The following KIAA0586 variants were observed in gnomAD, a reference collection of about 807,000 sequenced individuals.
KIAA0586 encodes the protein KIAA0586.
Under a neutral mutation model 169.8 loss-of-function variants are expected in KIAA0586, and 144 were observed. The observed-to-expected ratio is 0.85, with a 90% confidence interval of 0.74 to 0.97. KIAA0586 has a LOEUF of 0.97. Ranked by LOEUF, KIAA0586 falls within the 50% of genes least tolerant of loss-of-function variation. The pLI is 0.00. For missense variants in KIAA0586, 1,854 were observed against 1,823.0 expected (o/e 1.02, Z -0.31); for synonymous variants, 625 against 612.4 (o/e 1.02, Z -0.30).
intron 1 of KIAA0586, among the ~76,000 whole-genome samples, chr14:58,428,821 C>T (rs2037105190): frequency 2.0e-5 from 3 of 151,980 alleles, no homozygotes; most frequent in Admixed American, 2.0e-4. Context: ...TCACTACTTT[C>T]TTTTCATAGT....
At chr14:58,501,955 C>T (rs1482608732) in intron 27 of KIAA0586, among the ~76,000 whole-genome samples, 3 of 152,108 alleles carry the variant, frequency 2.0e-5, no homozygotes, top group Non-Finnish European at 4.4e-5. Context: ...ATGGCTTGGA[C>T]TGAGGTCATC....
rs769894889 is a variant in KIAA0586 at position 58,547,781 on chromosome 14, G to T, written c.4496G>T (p.Gly1499Val). The change falls in exon 31 of 31, where the codon GGT becomes GTT. Residue 1499 changes from glycine to valine, a missense_variant and splice_region_variant. Physicochemically the swap from Gly to Val is moderately radical, Grantham distance 109. Coordinates refer to ENST00000652326, the MANE Select transcript of KIAA0586 (RefSeq NM_001329943.3). ...CTGAATGAGCTTCTCCTTTGTGCAG[G>T]TGGGAAAGCAGTGCCACTCTCCGCT... is the stretch of plus-strand genomic sequence containing the variant. ...LNPYLTCVFS[G>V]GKAVPLSASQ... 1.9e-6 allele frequency: 3 copies of T among 1,613,206 alleles called. No individual in the cohort carries two copies. In the African/African-American group the frequency reaches 4.0e-5, roughly 22 times the overall value.
chr14:58,561,326 C>T, the KIAA0586 span, among the ~76,000 whole-genome samples: 229 of 152,146 alleles, frequency 1.5e-3, 1 homozygote, highest in African/African-American at 5.0e-3. Flanking sequence ...TCCAAAGCAG[C>T]GATGAAGATT....
At chr14:58,527,593 A>G (rs1355300660) in intron 29 of KIAA0586, among the ~76,000 whole-genome samples, 2 of 152,330 alleles carry the variant, frequency 1.3e-5, no homozygotes, top group East Asian at 1.9e-4. Flanking sequence ...AGAATTTTAT[A>G]TACAGCCAAA....
At chr14:58,447,918 C>T (rs980988089) in intron 6 of KIAA0586, among the ~76,000 whole-genome samples, 1 of 152,130 alleles carries the variant, frequency 6.6e-6, no homozygotes, top group Admixed American at 6.6e-5. Context: ...ATTTTCAAAC[C>T]TTGACCTCAA....
At chr14:58,466,774 C>A (rs2040807014) in intron 15 of KIAA0586, among the ~76,000 whole-genome samples, 2 of 152,126 alleles carry the variant, frequency 1.3e-5, no homozygotes, top group Admixed American at 1.3e-4. Context: ...CATAATAATT[C>A]AATAAGTTTG....
chr14:58,428,026 C>T lies in KIAA0586; in HGVS notation c.-239C>T. ...CTCCTGTGGCCATTCTCTTGTCATC[C>T]CCACTTTCACATTTTGGCGTGGTGT... On this transcript the variant is annotated 5_prime_UTR_variant, in exon 1 of 31. Transcript: ENST00000652326. The T allele has an allele frequency of 1.4e-6, 2 of 1,427,910 alleles. No individual in the cohort carries two copies. The highest frequency in any genetic ancestry group is 1.8e-6 in the Non-Finnish European group (2 of 1,098,390). The allele number at this position is 1,427,910 out of a possible 1,614,324, so 88.5% of individuals were successfully genotyped here. A position where few individuals can be genotyped will look rare whatever the true frequency, so the allele number is the denominator to read the frequency against.
At chr14:58,468,113 T>G (rs1014892589) in intron 16 of KIAA0586, among the ~76,000 whole-genome samples, 191 bp downstream of exon 16, 36 of 152,246 alleles carry the variant, frequency 2.4e-4, no homozygotes, top group African/African-American at 8.7e-4. Flanking sequence ...TGGCGCAATC[T>G]CGGCTCACTG....
chr14:58,483,475 AC>A (rs1425613570), intron 21 of KIAA0586, among the ~76,000 whole-genome samples: 1 of 151,730 alleles, frequency 6.6e-6, no homozygotes, highest in Non-Finnish European at 1.5e-5. Flanking sequence ...CCATTATCAC[AC>A]CCCCCCAGAT....
intron 7 of KIAA0586, among the ~76,000 whole-genome samples, chr14:58,450,192 CTTTT>C (rs557425873): frequency 6.6e-6 from 1 of 152,080 alleles, no homozygotes; most frequent in Non-Finnish European, 1.5e-5. Flanking sequence ...CATTTTCTTT[CTTTT>C]ATGTTATTTC....
Position 58,490,023 on chromosome 14 carries a change from G to T in KIAA0586, c.3782-141G>T. The T allele has an allele frequency of 6.0e-6, 3 of 497,642 alleles. No individual in the cohort carries two copies. The South Asian group carries it at 1.0e-4, about 17-fold the overall frequency. The allele number at this position is 497,642 out of a possible 1,614,324, so 30.8% of individuals were successfully genotyped here. A position where few individuals can be genotyped will look rare whatever the true frequency, so the allele number is the denominator to read the frequency against. Reference sequence around the variant, plus strand: ...AAAAACTGGTAAGATTGAGTAGTTTGTGAATTACTTGTTTATAAACTTTGC... The same window carrying T: ...AAAAACTGGTAAGATTGAGTAGTTTTTGAATTACTTGTTTATAAACTTTGC... On this transcript the variant is annotated intron_variant, in intron 24 of 30. Coordinates refer to ENST00000652326, the MANE Select transcript of KIAA0586 (RefSeq NM_001329943.3).
intron 12 of KIAA0586, 122 bp from the exon 13 acceptor site, chr14:58,459,721 A>G (rs1302041351): frequency 1.0e-5 from 5 of 495,772 alleles, no homozygotes; most frequent in Non-Finnish European, 6.9e-6. Context: ...TTTATTTTTA[A>G]TGCATTTAAA....
At chr14:58,558,749 C>A in the KIAA0586 span, among the ~76,000 whole-genome samples, 1 of 152,144 alleles carries the variant, frequency 6.6e-6, no homozygotes, top group Non-Finnish European at 1.5e-5. Context: ...CTATTGATTG[C>A]TCTGAGGTTT....
intron 21 of KIAA0586, among the ~76,000 whole-genome samples, 194 bp downstream of exon 21, chr14:58,482,906 G>T (rs1419308388): frequency 6.6e-6 from 1 of 152,138 alleles, no homozygotes; most frequent in African/African-American, 2.4e-5. Flanking sequence ...GAGTAGCTGG[G>T]ATTACAGGCA....
Position 58,549,983 on chromosome 14 carries a change from T to G in KIAA0586, c.*2051T>G, listed in dbSNP as rs1205429778. The stretch of plus-strand genomic sequence containing the variant: ...CGTGAGCTTTTCTTTTAAAAAAAAT[T>G]AGTGTCCATTCGACGGTTTCTTTTT... On this transcript the variant is annotated 3_prime_UTR_variant, in exon 31 of 31. Transcript: ENST00000652326. 6.6e-6 allele frequency: 1 copy of G among 152,124 alleles called. No individual in the cohort carries two copies. Among genetic ancestry groups the G allele is most frequent in the Admixed American group, 6.5e-5 (1 of 15,276 alleles). 9.4% of individuals were successfully genotyped at this position (152,124 alleles called of 1,614,324 possible). A position where few individuals can be genotyped will look rare whatever the true frequency, so the allele number is the denominator to read the frequency against.
At chr14:58,488,170 C>A in intron 23 of KIAA0586, 61 bp downstream of exon 23, 2 of 1,233,512 alleles carry the variant, frequency 1.6e-6, no homozygotes, top group Non-Finnish European at 2.3e-6. Flanking sequence ...CTTATGTGAT[C>A]CATTGAAAAC....
chr14:58,434,678 G>A (rs1045146159), intron 4 of KIAA0586, among the ~76,000 whole-genome samples: 1 of 152,212 alleles, frequency 6.6e-6, no homozygotes, highest in African/African-American at 2.4e-5. Context: ...TGATTGGAAT[G>A]CAGCAATGTT....
At chr14:58,484,892 A>ATATATATATATTTATATATATATTTT (rs1555391470) in intron 21 of KIAA0586, among the ~76,000 whole-genome samples, 12 of 7,118 alleles carry the variant, frequency 1.7e-3, no homozygotes, top group Admixed American at 3.8e-3. Context: ...ATATATATTT[A>ATATATATATATTTATATATATATTTT]TATATATATA....
chr14:58,544,020 AC>A (rs1201484961), intron 30 of KIAA0586: 3 of 419,728 alleles, frequency 7.1e-6, no homozygotes, highest in Non-Finnish European at 1.4e-5. Flanking sequence ...TCTTCCTCTC[AC>A]CCTCCAGTCT....
Sources: gnomAD v4.1 joint callset for allele counts (sites outside exome capture counted in the v4.1 genomes callset) on GRCh38, gnomAD v4.1.1 for gene constraint, MANE v1.5 for transcripts, NCBI Gene and HGNC (gene_info 2026-07-23, HGNC 2026-07-21) for gene names.